COL21A1: variants seen among roughly 807,000 people sequenced by gnomAD.
COL21A1 encodes collagen type XXI alpha 1 chain.
A neutral mutation model predicts 137.9 loss-of-function variants in COL21A1; 149 were observed. The ratio of observed to expected loss-of-function variants is 1.08; its 90% CI spans 0.95 to 1.24. The LOEUF (loss-of-function observed/expected upper bound fraction) is 1.24. Ranked by LOEUF, COL21A1 falls within the 50% of genes most tolerant of loss-of-function variation. The pLI is 0.00. For synonymous variants in COL21A1, 456 were observed against 391.5 expected, an observed-to-expected ratio of 1.16 and a Z score of -1.95; for missense variants, 1,167 against 1,158.4, an observed-to-expected ratio of 1.01 and a Z score of -0.11.
chr6:56,140,882 G>A (rs770160371), intron 12 of COL21A1, among the ~76,000 whole-genome samples: 10 of 152,086 alleles, frequency 6.6e-5, no homozygotes, highest in African/African-American at 9.7e-5. Context: ...ATCTTATCCA[G>A]TAAAATGTAT....
chr6:56,249,273 T>C (rs1455311971), upstream of COL21A1, among the ~76,000 whole-genome samples: 1 of 152,230 alleles, frequency 6.6e-6, no homozygotes, highest in Non-Finnish European at 1.5e-5. Context: ...AGTGGGCTTG[T>C]AAAAATGATT....
At chr6:56,228,439 G>A (rs1781347701) in intron 1 of COL21A1, among the ~76,000 whole-genome samples, 1 of 151,742 alleles carries the variant, frequency 6.6e-6, no homozygotes, top group Non-Finnish European at 1.5e-5. Context: ...TGAACGTCTT[G>A]TAGATAGTGA....
intron 1 of COL21A1, among the ~76,000 whole-genome samples, chr6:56,205,629 A>T (rs573456083): frequency 5.9e-5 from 9 of 152,332 alleles, no homozygotes; most frequent in Admixed American, 2.0e-4. Flanking sequence ...CAGGAAATAC[A>T]GAGAATACCA....
chr6:56,355,713 G>T (rs1765813141), intron 1 of COL21A1, among the ~76,000 whole-genome samples: 1 of 152,216 alleles, frequency 6.6e-6, no homozygotes, highest in Non-Finnish European at 1.5e-5. Context: ...GCTTGGGAAG[G>T]ATGGAGGAAG....
intron 14 of COL21A1, 59 bp from the exon 15 acceptor site, chr6:56,124,351 C>A: frequency 6.8e-7 from 1 of 1,473,734 alleles, no homozygotes; most frequent in Non-Finnish European, 9.3e-7. Context: ...CAAGTTCCAA[C>A]CAAAACTTAA....
At chr6:56,231,605 T>C (rs1781565769) in intron 1 of COL21A1, among the ~76,000 whole-genome samples, 1 of 151,896 alleles carries the variant, frequency 6.6e-6, no homozygotes, top group Non-Finnish European at 1.5e-5. Flanking sequence ...CATTCTATTG[T>C]CTTAAATATT....
chr6:56,205,082 C>G (rs1036341056), intron 1 of COL21A1, among the ~76,000 whole-genome samples: 2 of 152,094 alleles, frequency 1.3e-5, no homozygotes, highest in African/African-American at 2.4e-5. Context: ...CTCTTCTCCT[C>G]CAAAGGATCA....
At chr6:56,168,473 T>G (rs559996384) in intron 5 of COL21A1, among the ~76,000 whole-genome samples, 176 bp from the exon 6 acceptor site, 4 of 152,246 alleles carry the variant, frequency 2.6e-5, no homozygotes, top group South Asian at 4.1e-4. Context: ...ATCCACCAAT[T>G]CTTTCATTAA....
intron 24 of COL21A1, among the ~76,000 whole-genome samples, chr6:56,063,951 G>T (rs1582220950): frequency 6.6e-6 from 1 of 152,154 alleles, no homozygotes; most frequent in African/African-American, 2.4e-5. Context: ...TGCTATCTAA[G>T]TACCAATCTC....
chr6:56,241,100 G>A (rs1582716465), intron 1 of COL21A1, among the ~76,000 whole-genome samples: 1 of 152,010 alleles, frequency 6.6e-6, no homozygotes, highest in East Asian at 1.9e-4. Context: ...ATGTTGCTAT[G>A]AACTGAAAGC....
At chr6:56,259,354 T>C (rs1763192126) in intron 1 of COL21A1, among the ~76,000 whole-genome samples, 2 of 152,206 alleles carry the variant, frequency 1.3e-5, no homozygotes, top group African/African-American at 4.8e-5. Context: ...TTTCCTTCCA[T>C]CCATCTCTCT....
At chr6:56,113,140 A>G (rs1771600067) in intron 16 of COL21A1, among the ~76,000 whole-genome samples, 1 of 152,200 alleles carries the variant, frequency 6.6e-6, no homozygotes, top group South Asian at 2.1e-4. Context: ...GCAACTCATA[A>G]AAGAATCCTA....
chr6:56,283,740 G>C lies in COL21A1; in HGVS notation c.-38-101084C>G, dbSNP rs531598175. 6.6e-5 allele frequency among the ~76,000 whole-genome samples: 10 copies of C among 152,100 alleles called. No individual in the cohort carries two copies. In the East Asian group the frequency reaches 2.0e-3, roughly 30 times the overall value. On this transcript the variant is annotated intron_variant, in intron 1 of 28. Transcript: ENST00000370819. ...AGCTATGAGTAGCCATTTGGAGGAG[G>C]AACTAAATTTTTAAATAAACCTTGT...
At position 56,106,532 on chromosome 6, in the gene COL21A1, A is replaced by G. The variant is rs957827725; in HGVS notation, c.1759-5007T>C. Among the ~76,000 whole-genome samples, 7 of 152,278 alleles carry G rather than the reference A, an allele frequency of 4.6e-5. No individual in the cohort carries two copies. The East Asian group carries it at 1.2e-3, about 25-fold the overall frequency. On this transcript the variant is annotated intron_variant, in intron 16 of 29. Coordinates refer to ENST00000244728, the MANE Select transcript of COL21A1 (RefSeq NM_030820.4). ...GCACTCATTAACTAAAGAAACTTCT[A>G]ACTTCATTATACATAAAAGAAGAGA...
At chr6:56,159,523 G>A (rs1299977756) in intron 9 of COL21A1, among the ~76,000 whole-genome samples, 1 of 151,946 alleles carries the variant, frequency 6.6e-6, no homozygotes, top group Non-Finnish European at 1.5e-5. Context: ...AGTAGAGACA[G>A]GGTTTCGCCA....
intron 1 of COL21A1, among the ~76,000 whole-genome samples, chr6:56,255,500 C>A (rs1018360250): frequency 6.6e-6 from 1 of 152,042 alleles, no homozygotes; most frequent in African/African-American, 2.4e-5. Flanking sequence ...AGAAATTAGG[C>A]CAGCTGCCTG....
At position 56,060,741 on chromosome 6, in the gene COL21A1, C is replaced by A; in HGVS notation, c.2407G>T (p.Ala803Ser). 1 of 1,600,956 alleles carries A rather than the reference C, an allele frequency of 6.2e-7. No individual in the cohort carries two copies. Among genetic ancestry groups the A allele is most frequent in the Non-Finnish European group, 8.5e-7 (1 of 1,176,232 alleles). ...IRQVCTDVIR[A>S]QLPVLLQSGR... ...TTAAAATGCTATATTTGATACCTAC[C>A]TCTTATTACATCTGTGCAAACTTGT... is the stretch of plus-strand genomic sequence containing the variant. Residue 803 changes from alanine (A) to serine (S), a missense_variant and splice_region_variant, in exon 27 of 30, where the codon GCC becomes TCC. Transcript: ENST00000244728.
intron 1 of COL21A1, among the ~76,000 whole-genome samples, chr6:56,336,811 T>A (rs371423912): frequency 6.6e-6 from 1 of 152,352 alleles, no homozygotes; most frequent in African/African-American, 2.4e-5. Flanking sequence ...CAACCAAAAT[T>A]TTGGTCAGTG....
At chr6:56,091,273 T>G (rs1768790539) in intron 17 of COL21A1, among the ~76,000 whole-genome samples, 2 of 152,194 alleles carry the variant, frequency 1.3e-5, no homozygotes, top group Non-Finnish European at 2.9e-5. Context: ...CATGGTAACT[T>G]GGACTGGCTC....
Sources: gnomAD v4.1 joint callset for allele counts (sites outside exome capture counted in the v4.1 genomes callset) on GRCh38, gnomAD v4.1.1 for gene constraint, MANE v1.5 for transcripts, NCBI Gene and HGNC (gene_info 2026-07-23, HGNC 2026-07-21) for gene names.